UNKL: variants seen among roughly 807,000 people sequenced by gnomAD.
UNKL encodes the protein putative E3 ubiquitin-protein ligase UNKL.
UNKL carries 60 observed loss-of-function variants against 78.0 expected under a neutral mutation model. The ratio of observed to expected loss-of-function variants is 0.77; its 90% CI spans 0.63 to 0.95. UNKL has a LOEUF of 0.95. Ranked by LOEUF, UNKL falls within the 40% of genes least tolerant of loss-of-function variation. The pLI is 0.00. For synonymous variants in UNKL, 608 were observed against 474.8 expected, an observed-to-expected ratio of 1.28 and a Z score of -3.65; for missense variants, 1,159 against 1,045.7, an observed-to-expected ratio of 1.11 and a Z score of -1.49.
rs563994886 is a variant in UNKL at position 1,367,419 on chromosome 16, C to T, written c.1789-70G>A. ...CACCTGCAGACCCTCTTGCCTGTGTCACCAGCGATCCTCCCCTCCCCTCCC... is the reference window on the plus strand; with the variant it reads ...CACCTGCAGACCCTCTTGCCTGTGTTACCAGCGATCCTCCCCTCCCCTCCC... On this transcript the variant is annotated intron_variant, in intron 13 of 14. Coordinates refer to ENST00000389221, the MANE Select transcript of UNKL (RefSeq NM_001372107.1). 68 of 1,479,852 alleles carry T rather than the reference C, an allele frequency of 4.6e-5. No individual in the cohort carries two copies. The African/African-American group carries it at 9.0e-4, about 19-fold the overall frequency. 91.7% of individuals were successfully genotyped at this position (1,479,852 alleles called of 1,614,324 possible).
chr16:1,406,057 AG>A (rs549526773), intron 2 of UNKL: 132 of 456,704 alleles, frequency 2.9e-4, no homozygotes, highest in African/African-American at 2.5e-3. Flanking sequence ...GCTGGTTCCC[AG>A]GGAACGTGCG....
At chr16:1,390,035 G>A (rs2036980533) in intron 9 of UNKL, among the ~76,000 whole-genome samples, 1 of 152,212 alleles carries the variant, frequency 6.6e-6, no homozygotes, top group Non-Finnish European at 1.5e-5. Flanking sequence ...CACCCAGGAT[G>A]CAGTGCAGTG....
intron 10 of UNKL, among the ~76,000 whole-genome samples, chr16:1,375,545 G>A (rs1290675730): frequency 6.6e-6 from 1 of 152,200 alleles, no homozygotes; most frequent in Non-Finnish European, 1.5e-5. Flanking sequence ...GAACCCCTGG[G>A]GCGTCCGGGA....
chr16:1,371,000 G>T (rs553201307), intron 11 of UNKL, among the ~76,000 whole-genome samples: 1 of 150,196 alleles, frequency 6.7e-6, no homozygotes, highest in Non-Finnish European at 1.5e-5. Flanking sequence ...GGAGAATGGC[G>T]TGAACCCGGG....
chr16:1,385,761 C>T (rs1420078538), intron 9 of UNKL, among the ~76,000 whole-genome samples: 2 of 152,242 alleles, frequency 1.3e-5, no homozygotes, highest in Non-Finnish European at 2.9e-5. Flanking sequence ...TGCCCTTCTC[C>T]CCACACCTCC....
intron 2 of UNKL, among the ~76,000 whole-genome samples, chr16:1,410,336 G>A (rs570104465): frequency 1.4e-4 from 21 of 151,794 alleles, no homozygotes; most frequent in East Asian, 5.8e-4. Flanking sequence ...GGCCAGGCAC[G>A]GTGGCCCATG....
intron 10 of UNKL, among the ~76,000 whole-genome samples, chr16:1,384,232 CCCCCACCACCCCAACACGGCAGGTGT>C (rs1464537927): frequency 6.1e-5 from 9 of 148,300 alleles, no homozygotes; most frequent in Non-Finnish European, 9.0e-5. Flanking sequence ...CGGTGGGTGT[CCCCCACCACCCCAACACGGCAGGTGT>C]CCCCACCACC....
chr16:1,369,195 A>C (rs1220349917), intron 12 of UNKL, among the ~76,000 whole-genome samples: 6 of 142,550 alleles, frequency 4.2e-5, no homozygotes, highest in East Asian at 4.3e-4. Context: ...TTAGCCTCCC[A>C]AGTAGCTGGG....
chr16:1,382,868 G>C (rs1255401861), intron 10 of UNKL, among the ~76,000 whole-genome samples: 12 of 152,000 alleles, frequency 7.9e-5, no homozygotes, highest in African/African-American at 2.2e-4. Context: ...TGAGGCAGGA[G>C]AATCACTTGA....
At position 1,364,149 on chromosome 16, in the gene UNKL, C is replaced by A. The variant is rs899202330; in HGVS notation, c.*2091G>T. 1 of 152,222 alleles carries A rather than the reference C, an allele frequency of 6.6e-6. No individual in the cohort carries two copies. Among genetic ancestry groups the A allele is most frequent in the Admixed American group, 6.5e-5 (1 of 15,280 alleles). The allele number at this position is 152,222 out of a possible 1,614,324, so 9.4% of individuals were successfully genotyped here. On this transcript the variant is annotated 3_prime_UTR_variant, in exon 15 of 15. Coordinates refer to ENST00000389221, the MANE Select transcript of UNKL (RefSeq NM_001372107.1). ...ACAAAATATACGTAATTTCTAGATACTGAGCTAATAAATCACTGTAGTTAA... is the reference window on the plus strand; with the variant it reads ...ACAAAATATACGTAATTTCTAGATAATGAGCTAATAAATCACTGTAGTTAA...
At chr16:1,377,101 CA>C (rs1334541480) in intron 10 of UNKL, among the ~76,000 whole-genome samples, 1 of 152,140 alleles carries the variant, frequency 6.6e-6, no homozygotes, top group Non-Finnish European at 1.5e-5. Context: ...CAGCTCACTG[CA>C]ACCTCCGCCT....
In UNKL at chr16:1,389,787, TGA is replaced by T. The variant is rs1222321698; in HGVS notation, c.1086+843_1086+844del. ...CAAGCTCGGACTCAGCCCCCAGAAC[TGA>T]GAGAGTCAAGTGCTGCTGCTTGGGG... On this transcript the variant is annotated intron_variant, in intron 9 of 14. Coordinates refer to ENST00000389221, the MANE Select transcript of UNKL (RefSeq NM_001372107.1). Among the ~76,000 whole-genome samples the T allele has an allele frequency of 5.9e-5, 9 of 152,152 alleles. No homozygotes were observed. The East Asian group carries it at 7.7e-4, about 13-fold the overall frequency.
chr16:1,386,114 AG>A (rs2036802422), intron 9 of UNKL, among the ~76,000 whole-genome samples: 1 of 152,244 alleles, frequency 6.6e-6, no homozygotes, highest in Non-Finnish European at 1.5e-5. Flanking sequence ...AAGCTGGATT[AG>A]AATGAGTTTC....
At chr16:1,391,234 A>G (rs2037035509) in intron 8 of UNKL, among the ~76,000 whole-genome samples, 1 of 101,758 alleles carries the variant, frequency 9.8e-6, no homozygotes, top group African/African-American at 4.1e-5. Flanking sequence ...TTGGTCCCTT[A>G]AAGATACACA....
chr16:1,412,903 A>G (rs140313398), intron 2 of UNKL, among the ~76,000 whole-genome samples: 161 of 152,138 alleles, frequency 1.1e-3, no homozygotes, highest in African/African-American at 3.3e-3. Context: ...AGAAACACAA[A>G]ACAAGGCACT....
At chr16:1,377,359 C>T (rs2036313185) in intron 10 of UNKL, among the ~76,000 whole-genome samples, 1 of 152,016 alleles carries the variant, frequency 6.6e-6, no homozygotes, top group African/African-American at 2.4e-5. Context: ...CAACCCAGGA[C>T]ATGGGGGCCC....
chr16:1,370,952 G>A lies in UNKL; in HGVS notation c.1357+567C>T, dbSNP rs1231541381. On this transcript the variant is annotated intron_variant, in intron 11 of 14. Coordinates refer to ENST00000389221, the MANE Select transcript of UNKL (RefSeq NM_001372107.1). ...CAAAAAATTAGCTGGGCGTGGTGGCGGGCACCTGTAGTCCCAGCTACTCCG... is the reference window on the plus strand; with the variant it reads ...CAAAAAATTAGCTGGGCGTGGTGGCAGGCACCTGTAGTCCCAGCTACTCCG... Among the ~76,000 whole-genome samples the A allele has an allele frequency of 5.9e-5, 9 of 152,064 alleles. No individual in the cohort carries two copies. The East Asian group carries it at 9.7e-4, about 16-fold the overall frequency.
In UNKL at chr16:1,409,680, T is replaced by C. The variant is rs907250116; in HGVS notation, c.287+4166A>G. Among the ~76,000 whole-genome samples, 13 of 152,050 alleles carry C rather than the reference T, an allele frequency of 8.5e-5. 1 individual carries two copies. Among genetic ancestry groups the C allele is most frequent in the Admixed American group, 6.6e-4 (10 of 15,230 alleles). On this transcript the variant is annotated intron_variant, in intron 2 of 14. Coordinates refer to ENST00000389221, the MANE Select transcript of UNKL (RefSeq NM_001372107.1). ...TTGAGCACAGCTTGAAGTGACCACC[T>C]AGAGGCAGGCGCTTACTACAGCACT...
intron 9 of UNKL, among the ~76,000 whole-genome samples, chr16:1,388,106 G>C (rs934901548): frequency 6.6e-6 from 1 of 152,196 alleles, no homozygotes; most frequent in African/African-American, 2.4e-5. Flanking sequence ...TTGCCTGGAA[G>C]GGCCCCGGGC....
Sources: allele counts gnomAD v4.1 joint callset (sites outside exome capture counted in the v4.1 genomes callset), GRCh38; gene constraint gnomAD v4.1.1; transcripts MANE v1.5; gene names NCBI Gene and HGNC (gene_info 2026-07-23, HGNC 2026-07-21).